Variants in ADAMTS18 observed in about 807,000 individuals in gnomAD.
ADAMTS18 encodes A disintegrin and metalloproteinase with thrombospondin motifs 18.
Under a neutral mutation model 165.9 loss-of-function variants are expected in ADAMTS18, and 157 were observed. The observed-to-expected ratio is 0.95, with a 90% CI of 0.83 to 1.08. The LOEUF (loss-of-function observed/expected upper bound fraction) is 1.08, where lower values mean the gene tolerates loss of function less well. Ranked by LOEUF, ADAMTS18 falls within the 50% of genes least tolerant of loss-of-function variation. The probability of loss-of-function intolerance (pLI) is 0.00; values close to 1 mark genes in which losing one functional copy is unlikely to be tolerated. For missense variants in ADAMTS18, 2,040 were observed against 1,534.0 expected, an observed-to-expected ratio of 1.33 and a Z score of -5.51; for synonymous variants, 782 against 578.2, an observed-to-expected ratio of 1.35 and a Z score of -5.06.
rs141256982 is a variant in ADAMTS18 at position 77,294,976 on chromosome 16, C to T, written c.2953G>A (p.Ala985Thr). 2 of 1,614,128 alleles carry T rather than the reference C, an allele frequency of 1.2e-6. No homozygotes were observed. Among genetic ancestry groups the T allele is most frequent in the South Asian group, 1.1e-5 (1 of 91,076 alleles). ...CPVSTPTQVQ[A>T]CNSHACPPQW... The stretch of plus-strand genomic sequence containing the variant: ...GGAGGGCAGGCATGGCTGTTGCAGG[C>T]TTGGACCTGAGTGGGTGTGCTCACT... The change falls in exon 19 of 23, where the codon GCC becomes ACC. Residue 985 changes from alanine (A) to threonine (T), a missense_variant. Transcript: ENST00000282849.
intron 3 of ADAMTS18, among the ~76,000 whole-genome samples, chr16:77,419,370 G>C (rs765282669): frequency 9.9e-5 from 15 of 152,104 alleles, no homozygotes; most frequent in African/African-American, 1.9e-4. Context: ...CTGTCAGCTA[G>C]AGGTCACTCA....
intron 10 of ADAMTS18, among the ~76,000 whole-genome samples, chr16:77,348,146 A>C (rs1223870006): frequency 6.6e-6 from 1 of 152,144 alleles, no homozygotes; most frequent in Non-Finnish European, 1.5e-5. Context: ...CTTTCTGACT[A>C]ATCTTGCTCA....
In ADAMTS18 at chr16:77,434,769, C is replaced by T; in HGVS notation, c.-74G>A. 7.9e-7 allele frequency: 1 copy of T among 1,258,692 alleles called. No individual in the cohort carries two copies. The highest frequency in any genetic ancestry group is 2.0e-5 in the South Asian group (1 of 48,822). The allele number at this position is 1,258,692 out of a possible 1,614,324, so 78.0% of individuals were successfully genotyped here. ...AGCGCACGGGCGGCGCGCATTCTTT[C>T]CGCGGCCCCGGAGCTCGGCGCCCCA... is the stretch of plus-strand genomic sequence containing the variant. On this transcript the variant is annotated 5_prime_UTR_variant, in exon 1 of 23. Coordinates refer to ENST00000282849, the MANE Select transcript of ADAMTS18 (RefSeq NM_199355.4).
intron 2 of ADAMTS18, among the ~76,000 whole-genome samples, chr16:77,432,757 C>G (rs2144871042): frequency 7.1e-6 from 1 of 139,878 alleles, no homozygotes; most frequent in South Asian, 2.4e-4. Flanking sequence ...CAACAACCTT[C>G]CCCCTCCTCC....
Position 77,341,656 on chromosome 16 carries a change from T to C in ADAMTS18, c.1710+48A>G, listed in dbSNP as rs762207069. 2.1e-6 allele frequency: 3 copies of C among 1,453,642 alleles called. No individual in the cohort carries two copies. In the South Asian group the frequency reaches 3.5e-5, roughly 17 times the overall value. 90.0% of individuals were successfully genotyped at this position (1,453,642 alleles called of 1,614,324 possible). Reference sequence around the variant, plus strand: ...CACAATACAAACAGTTTGAATTCTATGCCTTATCAAATTTCTGGAGCTAAA... The same window carrying C: ...CACAATACAAACAGTTTGAATTCTACGCCTTATCAAATTTCTGGAGCTAAA... On this transcript the variant is annotated intron_variant, in intron 11 of 22. Transcript: ENST00000282849.
chr16:77,364,762 A>C (rs1181236997), intron 4 of ADAMTS18, among the ~76,000 whole-genome samples: 5 of 150,510 alleles, frequency 3.3e-5, no homozygotes, highest in African/African-American at 1.2e-4. Flanking sequence ...AAGAAGAAAG[A>C]AAAGGAAAGC....
At chr16:77,363,141 A>G (rs1597173059) in intron 6 of ADAMTS18, among the ~76,000 whole-genome samples, 1 of 152,214 alleles carries the variant, frequency 6.6e-6, no homozygotes, top group African/African-American at 2.4e-5. Flanking sequence ...TATCTCAGAG[A>G]AACAGAGTTT....
intron 10 of ADAMTS18, among the ~76,000 whole-genome samples, chr16:77,351,888 C>T (rs1025098057): frequency 1.1e-4 from 16 of 152,140 alleles, no homozygotes; most frequent in African/African-American, 3.6e-4. Flanking sequence ...GTACGTGCCA[C>T]TAGCCCAGCT....
chr16:77,319,948 C>G lies in ADAMTS18; in HGVS notation c.2433G>C (p.Glu811Asp), dbSNP rs1243013158. 1 of 1,614,188 alleles carries G rather than the reference C, an allele frequency of 6.2e-7. No individual in the cohort carries two copies. The highest frequency in any genetic ancestry group is 8.5e-7 in the Non-Finnish European group (1 of 1,180,026). ...TGGWSIDWPGEFPFAGTTFEY... is the reference protein window; with the variant it reads ...TGGWSIDWPGDFPFAGTTFEY... ...CAAACGTGGTCCCAGCGAAGGGGAA[C>G]TCCCCAGGCCAGTCGATGCTCCAGC... The change falls in exon 16 of 23, where the codon GAG (glutamate) becomes GAC (aspartate). Residue 811 changes from glutamate (E) to aspartate (D), a missense_variant. Physicochemically the swap from Glu to Asp is conservative, Grantham distance 45. Transcript: ENST00000282849.
intron 3 of ADAMTS18, among the ~76,000 whole-genome samples, chr16:77,372,561 G>A (rs757609686): frequency 6.6e-6 from 1 of 152,198 alleles, no homozygotes; most frequent in Non-Finnish European, 1.5e-5. Flanking sequence ...GGGCACCTGA[G>A]TCCTGGTCCT....
chr16:77,312,146 C>A (rs1303793932), intron 16 of ADAMTS18, among the ~76,000 whole-genome samples: 1 of 152,048 alleles, frequency 6.6e-6, no homozygotes, highest in African/African-American at 2.4e-5. Context: ...GTATTATTTA[C>A]AAAGAGATAG....
chr16:77,373,489 G>C (rs1307578668), intron 3 of ADAMTS18, among the ~76,000 whole-genome samples: 5 of 150,716 alleles, frequency 3.3e-5, no homozygotes, highest in Non-Finnish European at 5.9e-5. Context: ...AGAAAGAAAA[G>C]AAAAGAAAAA....
chr16:77,392,397 G>C (rs1567536068), intron 3 of ADAMTS18, among the ~76,000 whole-genome samples: 1 of 152,116 alleles, frequency 6.6e-6, no homozygotes, highest in African/African-American at 2.4e-5. Flanking sequence ...CCAGTGTGGA[G>C]CATTTTAAAG....
intron 15 of ADAMTS18, among the ~76,000 whole-genome samples, chr16:77,320,362 A>G (rs1170777701): frequency 6.6e-6 from 1 of 152,130 alleles, no homozygotes; most frequent in East Asian, 1.9e-4. Context: ...CCAGACCACA[A>G]AAGGCCACAA....
At position 77,411,747 on chromosome 16, in the gene ADAMTS18, C is replaced by T. The variant is rs141663872; in HGVS notation, c.495+19548G>A. Among the ~76,000 whole-genome samples the T allele has an allele frequency of 6.5e-3, 844 of 129,342 alleles. 6 individuals are homozygous for T. The highest frequency in any genetic ancestry group is 0.019 in the Middle Eastern group (3 of 158). 84.9% of individuals were successfully genotyped at this position (129,342 alleles called of 152,430 possible). The stretch of plus-strand genomic sequence containing the variant: ...TGTCACCTGGGCTGGAGTGCAGTGG[C>T]GCAATCTTGGCTCACTGCAACCTCT... On this transcript the variant is annotated intron_variant, in intron 3 of 22. Transcript: ENST00000282849.
chr16:77,296,142 G>A (rs1401700749), intron 18 of ADAMTS18, among the ~76,000 whole-genome samples: 4 of 152,078 alleles, frequency 2.6e-5, no homozygotes, highest in Non-Finnish European at 5.9e-5. Flanking sequence ...ATGCAACACT[G>A]CTTTAGAAGA....
At chr16:77,425,291 G>A (rs1423296797) in intron 3 of ADAMTS18, among the ~76,000 whole-genome samples, 1 of 152,180 alleles carries the variant, frequency 6.6e-6, no homozygotes. Flanking sequence ...GGGAAACCGA[G>A]TGACAAAATT....
intron 16 of ADAMTS18, among the ~76,000 whole-genome samples, chr16:77,301,734 A>T (rs967934773): frequency 2.0e-5 from 3 of 151,952 alleles, no homozygotes; most frequent in Non-Finnish European, 4.4e-5. Flanking sequence ...CTACTGGCTT[A>T]AATGTCTCCA....
chr16:77,326,023 G>A lies in ADAMTS18; in HGVS notation c.1875C>T (p.Gly625=), dbSNP rs2056089962. 1.2e-6 allele frequency: 2 copies of A among 1,613,850 alleles called. No homozygotes were observed. Among genetic ancestry groups the A allele is most frequent in the Middle Eastern group, 1.6e-4 (1 of 6,062 alleles). The change falls in exon 13 of 23, where the codon GGC becomes GGT. Residue 625 remains glycine, a synonymous_variant. Transcript: ENST00000282849. ...HCNNPKPQYG[G]LFCPGSSRIY... ...TACGGCTAGAACCTGGACAGAATAA[G>A]CCACCATACTGAGGCCTGAAAATGA...
Sources: allele counts gnomAD v4.1 joint callset (sites outside exome capture counted in the v4.1 genomes callset), GRCh38; gene constraint gnomAD v4.1.1; transcripts MANE v1.5; gene names NCBI Gene and HGNC (gene_info 2026-07-23, HGNC 2026-07-21).